Variants in SPAG9 observed in about 807,000 individuals in gnomAD.
SPAG9 encodes the protein sperm associated antigen 9.
In SPAG9, 35 loss-of-function variants were observed where a neutral mutation model predicts 166.5. The ratio of observed to expected loss-of-function variants is 0.21; its 90% CI spans 0.16 to 0.28. The LOEUF is 0.28. Ranked by LOEUF, SPAG9 falls within the 10% of genes least tolerant of loss-of-function variation. The pLI, the probability that SPAG9 is intolerant of heterozygous loss-of-function variation, is 1.00. For synonymous variants in SPAG9, 534 were observed against 565.5 expected (o/e 0.94, Z 0.79); for missense variants, 1,235 against 1,603.3 (o/e 0.77, Z 3.92).
rs964827963 is a variant in SPAG9, at chr17:51,064,414, T to C, written c.425-7932A>G. On this transcript the variant is annotated intron_variant, in intron 2 of 29. Coordinates refer to ENST00000262013, the MANE Select transcript of SPAG9 (RefSeq NM_001130528.3). ...TTCAAAACTGTATTACTACAGACTTTCAGATAGCAAAGTTAGAGTTTTGGT... is the reference window on the plus strand; with the variant it reads ...TTCAAAACTGTATTACTACAGACTTCCAGATAGCAAAGTTAGAGTTTTGGT... 5.9e-5 allele frequency among the ~76,000 whole-genome samples: 9 copies of C among 152,312 alleles called. 1 individual carries two copies. Among genetic ancestry groups the C allele is most frequent in the Admixed American group, 4.6e-4 (7 of 15,296 alleles).
chr17:50,973,238 G>A (rs924359848), intron 28 of SPAG9, among the ~76,000 whole-genome samples: 4 of 152,012 alleles, frequency 2.6e-5, no homozygotes, highest in Admixed American at 6.6e-5. Context: ...TTCAAACATA[G>A]TAAAAATACA....
chr17:51,047,670 C>T (rs962400236), intron 3 of SPAG9, among the ~76,000 whole-genome samples: 2 of 144,886 alleles, frequency 1.4e-5, no homozygotes, highest in African/African-American at 5.1e-5. Context: ...TGCTGGTGTC[C>T]ACAAAAGTAG....
Position 50,966,225 on chromosome 17 carries a change from C to T in SPAG9, c.*47G>A. The stretch of plus-strand genomic sequence containing the variant: ...AATAAAAGGATAGAGGGAAAATAAA[C>T]CATGCAGAAGAGACGGCTTCCCCAT... On this transcript the variant is annotated 3_prime_UTR_variant, in exon 30 of 30. Coordinates refer to ENST00000262013, the MANE Select transcript of SPAG9 (RefSeq NM_001130528.3). 1 of 1,101,116 alleles carries T rather than the reference C, an allele frequency of 9.1e-7. No homozygotes were observed. The highest frequency in any genetic ancestry group is 1.2e-5 in the South Asian group (1 of 80,596). 68.2% of individuals were successfully genotyped at this position (1,101,116 alleles called of 1,614,324 possible). A position where few individuals can be genotyped will look rare whatever the true frequency, so the allele number is the denominator to read the frequency against.
intron 2 of SPAG9, 81 bp downstream of exon 2, chr17:51,079,503 T>A (rs747438003): frequency 7.2e-6 from 10 of 1,384,522 alleles, no homozygotes; most frequent in Non-Finnish European, 1.0e-5. Context: ...CCTCCCAAAG[T>A]GCTGGGATTA....
At chr17:51,066,079 A>G (rs892343765) in intron 2 of SPAG9, among the ~76,000 whole-genome samples, 10 of 152,082 alleles carry the variant, frequency 6.6e-5, no homozygotes, top group Non-Finnish European at 8.8e-5. Flanking sequence ...TTAGCATTCC[A>G]AATTATCAAA....
intron 2 of SPAG9, among the ~76,000 whole-genome samples, chr17:51,067,877 A>G (rs767398972): frequency 6.6e-6 from 1 of 152,198 alleles, no homozygotes; most frequent in Non-Finnish European, 1.5e-5. Context: ...AAGCAAGAGG[A>G]TAAGATTAAG....
At chr17:51,023,257 CTA>C (rs1285190132) in intron 6 of SPAG9, 1 of 147,198 alleles carries the variant, frequency 6.8e-6, no homozygotes, top group Non-Finnish European at 1.5e-5. Flanking sequence ...ATAATAGTAA[CTA>C]TTAGTATAAT....
intron 28 of SPAG9, among the ~76,000 whole-genome samples, chr17:50,973,520 A>T (rs1024571023): frequency 6.6e-6 from 1 of 152,232 alleles, no homozygotes. Flanking sequence ...TTAGGGTACC[A>T]TATGCCAGCC....
rs193256620 is a variant in SPAG9 at position 51,032,922 on chromosome 17, G to A, written c.742-1200C>T. On this transcript the variant is annotated intron_variant, in intron 5 of 29. Coordinates refer to ENST00000262013, the MANE Select transcript of SPAG9 (RefSeq NM_001130528.3). ...GCACTACATCCTGGGCAACAAGAGC[G>A]AAACTCCATCTCAAAAAAAAATAAA... 2.4e-3 allele frequency among the ~76,000 whole-genome samples: 366 copies of A among 151,370 alleles called. 2 individuals are homozygous for A. The highest frequency in any genetic ancestry group is 8.6e-3 in the African/African-American group (353 of 41,270).
At chr17:51,065,745 T>C (rs1482674503) in intron 2 of SPAG9, among the ~76,000 whole-genome samples, 2 of 152,206 alleles carry the variant, frequency 1.3e-5, no homozygotes, top group East Asian at 1.9e-4. Context: ...GACTGACTTA[T>C]AGCCACTGAA....
intron 3 of SPAG9, among the ~76,000 whole-genome samples, chr17:51,054,060 T>A (rs1166017238): frequency 2.0e-5 from 3 of 148,876 alleles, no homozygotes; most frequent in African/African-American, 7.4e-5. Context: ...CATTAAATCT[T>A]AATATCCACT....
At chr17:51,001,608 G>C (rs1217088185) in intron 13 of SPAG9, 107 bp downstream of exon 13, 4 of 1,102,930 alleles carry the variant, frequency 3.6e-6, no homozygotes, top group African/African-American at 1.6e-5. Context: ...CTAGTAAACA[G>C]AGAAAGGGGC....
intron 29 of SPAG9, among the ~76,000 whole-genome samples, chr17:50,968,090 T>A (rs1224666803): frequency 6.6e-6 from 1 of 152,110 alleles, no homozygotes; most frequent in East Asian, 1.9e-4. Flanking sequence ...CCCTAACAAC[T>A]CCTCTCATAA....
At chr17:51,113,039 G>GT (rs2049166674) in intron 1 of SPAG9, among the ~76,000 whole-genome samples, 1 of 151,340 alleles carries the variant, frequency 6.6e-6, no homozygotes, top group Non-Finnish European at 1.5e-5. Context: ...AAAAAAAATG[G>GT]TATTTTTAAA....
At chr17:51,095,352 G>A (rs1203633706) in intron 1 of SPAG9, among the ~76,000 whole-genome samples, 2 of 145,522 alleles carry the variant, frequency 1.4e-5, no homozygotes, top group Admixed American at 7.1e-5. Flanking sequence ...GCTCACGCCT[G>A]TAATCCCAGC....
intron 9 of SPAG9, among the ~76,000 whole-genome samples, chr17:51,010,885 C>T (rs911397622): frequency 2.0e-5 from 3 of 151,998 alleles, no homozygotes; most frequent in African/African-American, 4.8e-5. Flanking sequence ...GAGGTAAAAA[C>T]TTGGGAGTAA....
chr17:51,027,571 A>G lies in SPAG9; in HGVS notation c.783+4110T>C, dbSNP rs561420712. Among the ~76,000 whole-genome samples the G allele has an allele frequency of 3.3e-5, 5 of 152,376 alleles. No individual in the cohort carries two copies. The East Asian group carries it at 9.6e-4, about 29-fold the overall frequency. On this transcript the variant is annotated intron_variant, in intron 6 of 29. Transcript: ENST00000262013. The stretch of plus-strand genomic sequence containing the variant: ...TGGTCAATAATAGACAGCATACAGC[A>G]TATATAGTGGTGGTCCCATAAGATT...
In SPAG9 at chr17:51,079,548, C is replaced by A. The variant is rs115782513; in HGVS notation, c.424+36G>T. 1.7e-4 allele frequency: 272 copies of A among 1,605,038 alleles called. No homozygotes were observed. The African/African-American group carries it at 3.1e-3, about 18-fold the overall frequency. On this transcript the variant is annotated intron_variant, in intron 2 of 29. Coordinates refer to ENST00000262013, the MANE Select transcript of SPAG9 (RefSeq NM_001130528.3). ...GCCACCACGTCTGGCCAAGCCCAAT[C>A]TTTAGTGTACTTATGAGAAGAAATG...
chr17:51,101,345 CAAAA>C (rs60896400), intron 1 of SPAG9, among the ~76,000 whole-genome samples: 1 of 92,000 alleles, frequency 1.1e-5, no homozygotes. Flanking sequence ...GATTCTGTCT[CAAAA>C]AAAAAAAAAA....
Sources: allele counts gnomAD v4.1 joint callset (sites outside exome capture counted in the v4.1 genomes callset), GRCh38; gene constraint gnomAD v4.1.1; transcripts MANE v1.5; gene names NCBI Gene and HGNC (gene_info 2026-07-23, HGNC 2026-07-21).